The following LHFPL4 variants were observed in gnomAD, a reference collection of about 807,000 sequenced individuals.
LHFPL4 encodes LHFPL tetraspan subfamily member 4, also known as LHFPL tetraspan subfamily member 4 protein.
Under a neutral mutation model 20.0 loss-of-function variants are expected in LHFPL4, and 6 were observed. That is an observed-to-expected ratio of 0.30 (90% CI 0.16 to 0.59). The LOEUF is 0.59. Among genes scored for constraint, LHFPL4 ranks in the 20% least tolerant of loss-of-function variants. The pLI, the probability that LHFPL4 is intolerant of heterozygous loss-of-function variation, is 0.88. For synonymous variants in LHFPL4, 129 were observed against 143.8 expected (o/e 0.90, Z 0.74); for missense variants, 215 against 331.2 (o/e 0.65, Z 2.72).
chr3:9,529,915 G>A (rs1274699421), intron 2 of LHFPL4, among the ~76,000 whole-genome samples: 1 of 147,842 alleles, frequency 6.8e-6, no homozygotes, highest in Non-Finnish European at 1.5e-5. Flanking sequence ...ACAGGCATGA[G>A]CCACTGTGCC....
At position 9,523,569 on chromosome 3, in the gene LHFPL4, C is replaced by G. The variant is rs565252148; in HGVS notation, c.407-17366G>C. On this transcript the variant is annotated intron_variant, in intron 2 of 3. Coordinates refer to ENST00000287585, the MANE Select transcript of LHFPL4 (RefSeq NM_198560.3). The stretch of plus-strand genomic sequence containing the variant: ...CTCACTGCAACCTCCGCCTCCCTGG[C>G]TCAAGCAATTCTCCTGCCCCAGCCT... Among the ~76,000 whole-genome samples the G allele has an allele frequency of 4.6e-5, 7 of 151,448 alleles. No homozygotes were observed. The East Asian group carries it at 1.4e-3, about 30-fold the overall frequency.
At chr3:9,514,437 C>T (rs1464441631) in intron 2 of LHFPL4, among the ~76,000 whole-genome samples, 1 of 152,132 alleles carries the variant, frequency 6.6e-6, no homozygotes, top group Non-Finnish European at 1.5e-5. Context: ...CATGCACAGC[C>T]TCCCTCACTA....
chr3:9,502,341 A>G lies in LHFPL4; in HGVS notation c.644-30T>C, dbSNP rs372695167. The G allele has an allele frequency of 3.1e-4, 453 of 1,475,786 alleles. 1 individual carries two copies. The highest frequency in any genetic ancestry group is 3.6e-4 in the Non-Finnish European group (380 of 1,056,110). 91.4% of individuals were successfully genotyped at this position (1,475,786 alleles called of 1,614,324 possible). A position where few individuals can be genotyped will look rare whatever the true frequency, so the allele number is the denominator to read the frequency against. ...GAGAGAGAGAGAGAGAGAGAAGGAGAGAGAATTAGAGAAAGTCAGAGGCTG... is the reference window on the plus strand; with the variant it reads ...GAGAGAGAGAGAGAGAGAGAAGGAGGGAGAATTAGAGAAAGTCAGAGGCTG... On this transcript the variant is annotated intron_variant, in intron 3 of 3. Transcript: ENST00000287585.
intron 2 of LHFPL4, among the ~76,000 whole-genome samples, chr3:9,528,539 C>A (rs2046389171): frequency 6.6e-6 from 1 of 152,184 alleles, no homozygotes; most frequent in African/African-American, 2.4e-5. Flanking sequence ...TCCATGAGGG[C>A]TGGAATTAAC....
chr3:9,516,502 C>G (rs1040610648), intron 2 of LHFPL4, among the ~76,000 whole-genome samples: 4 of 151,610 alleles, frequency 2.6e-5, no homozygotes, highest in Non-Finnish European at 5.9e-5. Context: ...ACGTTGGAGT[C>G]TCACTCTGTT....
chr3:9,514,433 C>T (rs897646932), intron 2 of LHFPL4, among the ~76,000 whole-genome samples: 3 of 152,170 alleles, frequency 2.0e-5, no homozygotes, highest in African/African-American at 7.2e-5. Flanking sequence ...TACACATGCA[C>T]AGCCTCCCTC....
In LHFPL4 at chr3:9,506,124, C is replaced by T. The variant is rs1271239643; in HGVS notation, c.486G>A (p.Lys162=). ...AETIRDMCGA[K]TGKYSLGDCS... ...AGTCCCCCAGGGAGTACTTCCCCGTCTTGGCCCCACACATGTCCCGGATGG... is the reference window on the plus strand; with the variant it reads ...AGTCCCCCAGGGAGTACTTCCCCGTTTTGGCCCCACACATGTCCCGGATGG... Residue 162 remains lysine (K), a synonymous_variant, in exon 3 of 4, where the codon AAG becomes AAA. Transcript: ENST00000287585. The surrounding 1 kb of genome is among the most constrained non-coding windows in gnomAD (Gnocchi z 4.5). The T allele has an allele frequency of 1.2e-6, 2 of 1,614,208 alleles. No homozygotes were observed. The highest frequency in any genetic ancestry group is 1.7e-5 in the Admixed American group (1 of 60,028).
chr3:9,533,977 G>C (rs1318240853), intron 2 of LHFPL4, among the ~76,000 whole-genome samples: 2 of 151,884 alleles, frequency 1.3e-5, no homozygotes, highest in Admixed American at 1.3e-4. Flanking sequence ...ACTCTGGGAG[G>C]CTGAGGCAGG....
At chr3:9,539,454 C>CAAA (rs57211005) in intron 2 of LHFPL4, among the ~76,000 whole-genome samples, 6,020 of 109,232 alleles carry the variant, frequency 0.055, 219 homozygotes, top group Non-Finnish European at 0.074. Flanking sequence ...AACTTCGTCT[C>CAAA]AAAAAAAAAA....
At chr3:9,533,838 T>C (rs906053081) in intron 2 of LHFPL4, among the ~76,000 whole-genome samples, 1 of 151,404 alleles carries the variant, frequency 6.6e-6, no homozygotes, top group African/African-American at 2.4e-5. Context: ...GGGAATGAGG[T>C]TTATGACCTA....
At chr3:9,535,376 C>A (rs1203670901) in intron 2 of LHFPL4, among the ~76,000 whole-genome samples, 1 of 152,106 alleles carries the variant, frequency 6.6e-6, no homozygotes, top group East Asian at 1.9e-4. Context: ...TTGAGGTTAT[C>A]CAAGTTATCC....
At chr3:9,522,511 G>A (rs373023629) in intron 2 of LHFPL4, among the ~76,000 whole-genome samples, 32 of 151,620 alleles carry the variant, frequency 2.1e-4, no homozygotes, top group East Asian at 4.0e-4. Context: ...AGGCCAAGGC[G>A]GGCAGATCAC....
At chr3:9,509,940 G>C (rs2046246467) in intron 2 of LHFPL4, among the ~76,000 whole-genome samples, 1 of 152,188 alleles carries the variant, frequency 6.6e-6, no homozygotes, top group Non-Finnish European at 1.5e-5. Context: ...CCAAGCTCGA[G>C]TCTCTTTTGG....
chr3:9,505,104 T>G (rs1235627512), intron 3 of LHFPL4, among the ~76,000 whole-genome samples: 1 of 152,180 alleles, frequency 6.6e-6, no homozygotes, highest in African/African-American at 2.4e-5. Context: ...TATAGCTGTT[T>G]GCTACAGTGA....
chr3:9,539,287 C>T (rs963033880), intron 2 of LHFPL4, among the ~76,000 whole-genome samples: 3 of 151,708 alleles, frequency 2.0e-5, no homozygotes, highest in Admixed American at 1.3e-4. Context: ...AACTCCATCT[C>T]GACTAAAAAA....
intron 2 of LHFPL4, among the ~76,000 whole-genome samples, chr3:9,525,094 G>T (rs1373107980): frequency 6.6e-6 from 1 of 152,138 alleles, no homozygotes; most frequent in Non-Finnish European, 1.5e-5. Flanking sequence ...ATCCCAGCAG[G>T]TTAGGCTCTA....
chr3:9,529,090 A>G (rs529023886), intron 2 of LHFPL4, among the ~76,000 whole-genome samples: 22 of 149,556 alleles, frequency 1.5e-4, no homozygotes, highest in Non-Finnish European at 3.0e-4. Context: ...GTGCAGTGGC[A>G]CTATCTCAGC....
intron 2 of LHFPL4, among the ~76,000 whole-genome samples, chr3:9,511,211 C>G (rs2046257325): frequency 6.6e-6 from 1 of 151,698 alleles, no homozygotes; most frequent in Non-Finnish European, 1.5e-5. Flanking sequence ...ATTAGCCACG[C>G]GTGGTGGCGG....
intron 2 of LHFPL4, among the ~76,000 whole-genome samples, chr3:9,524,653 T>C (rs2046361942): frequency 6.6e-6 from 1 of 152,222 alleles, no homozygotes; most frequent in African/African-American, 2.4e-5. Context: ...TGTTCTTGCA[T>C]GCTAATTTAT....
Sources: allele counts gnomAD v4.1 joint callset (sites outside exome capture counted in the v4.1 genomes callset), GRCh38; gene constraint gnomAD v4.1.1; non-coding constraint Gnocchi (gnomAD v3.1); transcripts MANE v1.5; gene names NCBI Gene and HGNC (gene_info 2026-07-23, HGNC 2026-07-21).